FRMPD4: variants seen among roughly 807,000 people sequenced by gnomAD.
FRMPD4 encodes FERM and PDZ domain-containing protein 4.
A neutral mutation model predicts 94.1 loss-of-function variants in FRMPD4; 22 were observed. The ratio of observed to expected loss-of-function variants is 0.23; its 90% CI spans 0.17 to 0.33. The LOEUF (loss-of-function observed/expected upper bound fraction) is 0.33. FRMPD4 is among the 10% of genes least tolerant of loss of function. FRMPD4 has a pLI of 1.00. For synonymous variants in FRMPD4, 631 were observed against 548.6 expected, an observed-to-expected ratio of 1.15 and a Z score of -2.10; for missense variants, 1,111 against 1,339.9, an observed-to-expected ratio of 0.83 and a Z score of 2.67.
At chrX:12,561,357 T>A (rs189567003) in intron 2 of FRMPD4, among the ~76,000 whole-genome samples, 33 of 112,367 alleles carry the variant, frequency 2.9e-4, no homozygotes, top group African/African-American at 1.0e-3. Flanking sequence ...TCATAATAAA[T>A]TACAAACTTC....
At chrX:12,708,326 C>T (rs183691068) in intron 13 of FRMPD4, among the ~76,000 whole-genome samples, 48 of 110,016 alleles carry the variant, frequency 4.4e-4, no homozygotes, top group East Asian at 4.3e-3. Flanking sequence ...AAAAATTAGC[C>T]GGGCGTGGTG....
In FRMPD4 at chrX:12,037,028, C is replaced by T. The variant is rs140518045; in HGVS notation, c.95+159010C>T. Among the ~76,000 whole-genome samples, 275 of 111,951 alleles carry T rather than the reference C, an allele frequency of 2.5e-3. 1 individual carries two copies. Among genetic ancestry groups the T allele is most frequent in the African/African-American group, 7.8e-3 (240 of 30,848 alleles). ...ATACATTTATCTGTCCATTTGTTAA[C>T]ATAAATATTTATTGAGTAGCTATGA... is the stretch of plus-strand genomic sequence containing the variant. On this transcript the variant is annotated intron_variant, in intron 3 of 18. Coordinates refer to the FRMPD4 transcript ENST00000640291.
intron 4 of FRMPD4, among the ~76,000 whole-genome samples, chrX:12,658,033 T>C (rs989020385): frequency 1.8e-5 from 2 of 111,706 alleles, no homozygotes; most frequent in African/African-American, 3.3e-5. Context: ...TGGACAAGCA[T>C]GGGGCCTGGT....
intron 3 of FRMPD4, among the ~76,000 whole-genome samples, chrX:11,910,432 T>C (rs774275754): frequency 2.7e-5 from 3 of 112,247 alleles, no homozygotes; most frequent in African/African-American, 9.7e-5. Flanking sequence ...AGCATTTTTT[T>C]TTCTGGAGAC....
At chrX:12,551,552 C>T (rs1023406656) in intron 2 of FRMPD4, among the ~76,000 whole-genome samples, 1 of 110,487 alleles carries the variant, frequency 9.1e-6, no homozygotes, top group African/African-American at 3.3e-5. Flanking sequence ...TCTTGAATCT[C>T]TTTTGATTTC....
intron 1 of FRMPD4, among the ~76,000 whole-genome samples, chrX:11,847,452 A>C (rs1407459287): frequency 1.9e-4 from 20 of 107,386 alleles, no homozygotes; most frequent in African/African-American, 6.9e-4. Context: ...AACTAGTTCA[A>C]CCATTGTGGA....
intron 4 of FRMPD4, among the ~76,000 whole-genome samples, chrX:12,624,548 T>G (rs994021053): frequency 9.0e-6 from 1 of 111,440 alleles, no homozygotes; most frequent in Non-Finnish European, 1.9e-5. Context: ...GGAATCAAAG[T>G]ATATCATTAC....
intron 16 of FRMPD4, among the ~76,000 whole-genome samples, chrX:12,719,994 A>AGAAAGGAAAGGAAAG (rs771686552): frequency 8.5e-5 from 7 of 81,952 alleles, no homozygotes; most frequent in East Asian, 6.8e-4. Context: ...AAGAAAGGAA[A>AGAAAGGAAAGGAAAG]GAAAGGAAAG....
chrX:12,338,035 C>T (rs769485891), intron 1 of FRMPD4, among the ~76,000 whole-genome samples: 1 of 112,319 alleles, frequency 8.9e-6, no homozygotes, highest in African/African-American at 3.2e-5. Flanking sequence ...TGCACTCTTA[C>T]ATGGTGGAAT....
intron 1 of FRMPD4, among the ~76,000 whole-genome samples, chrX:12,407,080 C>T (rs1424657918): frequency 9.0e-6 from 1 of 111,196 alleles, no homozygotes; most frequent in South Asian, 3.8e-4. Context: ...CTAACTCTCA[C>T]TCTCTTGCCT....
chrX:12,190,140 A>G (rs751613221), intron 1 of FRMPD4, among the ~76,000 whole-genome samples: 1 of 111,780 alleles, frequency 8.9e-6, no homozygotes, highest in African/African-American at 3.2e-5. Flanking sequence ...AAACACTTAT[A>G]TATAAATCTA....
intron 2 of FRMPD4, among the ~76,000 whole-genome samples, chrX:12,528,409 C>T (rs1339750983): frequency 4.8e-5 from 5 of 104,944 alleles, no homozygotes; most frequent in Middle Eastern, 4.9e-3. Flanking sequence ...CAACCTCCAC[C>T]TTCTGGGTTC....
Position 12,586,225 on chromosome X carries a change from A to C in FRMPD4, c.159-23496A>C, listed in dbSNP as rs746630684. On this transcript the variant is annotated intron_variant, in intron 2 of 16. Coordinates refer to ENST00000675598, the MANE Select transcript of FRMPD4 (RefSeq NM_001368397.1). Reference sequence around the variant, plus strand: ...CAGCTGGCTTTGGCCAAATACTAAAAGAGCTAAAACGCACATGGAAGTTAT... The same window carrying C: ...CAGCTGGCTTTGGCCAAATACTAAACGAGCTAAAACGCACATGGAAGTTAT... Among the ~76,000 whole-genome samples the C allele has an allele frequency of 9.7e-5, 11 of 113,024 alleles. No individual in the cohort carries two copies. In the East Asian group the frequency reaches 1.4e-3, roughly 14 times the overall value.
At chrX:12,542,747 T>G (rs1183679082) in intron 2 of FRMPD4, among the ~76,000 whole-genome samples, 6 of 111,811 alleles carry the variant, frequency 5.4e-5, no homozygotes, top group African/African-American at 2.0e-4. Context: ...ACTTTAAAGT[T>G]CATATGGAAC....
At chrX:12,619,780 G>A (rs1345255298) in intron 4 of FRMPD4, among the ~76,000 whole-genome samples, 4 of 112,055 alleles carry the variant, frequency 3.6e-5, no homozygotes, top group South Asian at 3.8e-4. Flanking sequence ...CATTGTCTGC[G>A]AGCAGTCCCA....
chrX:11,875,166 A>T (rs753650030), intron 2 of FRMPD4, among the ~76,000 whole-genome samples: 1 of 112,990 alleles, frequency 8.9e-6, no homozygotes, highest in Non-Finnish European at 1.9e-5. Context: ...GTACATTTAG[A>T]TTTTAAAACT....
intron 1 of FRMPD4, among the ~76,000 whole-genome samples, chrX:12,261,066 G>A (rs1180406880): frequency 9.0e-6 from 1 of 111,397 alleles, no homozygotes; most frequent in African/African-American, 3.3e-5. Flanking sequence ...AGAGAAGCTT[G>A]TCCCAGTACC....
intron 7 of FRMPD4, among the ~76,000 whole-genome samples, chrX:12,687,192 C>T (rs2060033979): frequency 8.9e-6 from 1 of 111,933 alleles, no homozygotes; most frequent in African/African-American, 3.2e-5. Flanking sequence ...TTTTGAATTG[C>T]TATAAGTATG....
At position 12,361,080 on chromosome X, in the gene FRMPD4, T is replaced by C. The variant is rs1425390891; in HGVS notation, c.42-137600T>C. Among the ~76,000 whole-genome samples, 6 of 111,754 alleles carry C rather than the reference T, an allele frequency of 5.4e-5. No individual in the cohort carries two copies. The East Asian group carries it at 1.7e-3, about 31-fold the overall frequency. On this transcript the variant is annotated intron_variant, in intron 1 of 16. Transcript: ENST00000675598. ...TCTCATTTTGTCAGCTCACAGTCAT[T>C]AGAGAAGATGAAATTTCTCTGAAAA...
Sources: gnomAD v4.1 joint callset for allele counts (sites outside exome capture counted in the v4.1 genomes callset) on GRCh38, gnomAD v4.1.1 for gene constraint, MANE v1.5 for transcripts, NCBI Gene and HGNC (gene_info 2026-07-23, HGNC 2026-07-21) for gene names.